Variants in MCTP1 observed in about 807,000 individuals in gnomAD.
The protein encoded by MCTP1 is multiple C2 and transmembrane domain containing 1, also known as multiple C2 and transmembrane domain-containing protein 1.
A neutral mutation model predicts 120.6 loss-of-function variants in MCTP1; 69 were observed. The ratio of observed to expected loss-of-function variants is 0.57; its 90% confidence interval spans 0.47 to 0.70. The LOEUF (loss-of-function observed/expected upper bound fraction) is 0.70. Among genes scored for constraint, MCTP1 ranks in the 30% least tolerant of loss-of-function variants. The probability of loss-of-function intolerance (pLI) is 0.00; values close to 1 mark genes in which losing one functional copy is unlikely to be tolerated. For synonymous variants in MCTP1, 529 were observed against 493.1 expected (o/e 1.07, Z -0.96); for missense variants, 1,203 against 1,248.8 (o/e 0.96, Z 0.55).
chr5:95,105,431 A>C (rs1027166034), intron 1 of MCTP1, among the ~76,000 whole-genome samples: 5 of 152,148 alleles, frequency 3.3e-5, no homozygotes, highest in Admixed American at 2.0e-4. Context: ...TCATTTATCT[A>C]TCTTCTCCTG....
At position 95,284,778 on chromosome 5, in the gene MCTP1, C is replaced by G. The variant is rs1206554036; in HGVS notation, c.-203G>C. On this transcript the variant is annotated 5_prime_UTR_variant, in exon 1 of 23. Coordinates refer to ENST00000515393, the MANE Select transcript of MCTP1 (RefSeq NM_024717.7). The surrounding 1 kb of genome is among the most constrained non-coding windows in gnomAD (Gnocchi z 5.2). ...AGAAGCGGCCGCCGCCGCCGAGGCT[C>G]TCTGGCCTCGGGACTCCGGCGCTGC... Among the ~76,000 whole-genome samples the G allele has an allele frequency of 6.6e-6, 1 of 152,068 alleles. No homozygotes were observed. Among genetic ancestry groups the G allele is most frequent in the East Asian group, 1.9e-4 (1 of 5,148 alleles).
At chr5:94,841,832 C>T (rs1791112802) in intron 17 of MCTP1, among the ~76,000 whole-genome samples, 1 of 152,130 alleles carries the variant, frequency 6.6e-6, no homozygotes, top group African/African-American at 2.4e-5. Context: ...AATTTGCATA[C>T]AGCCCCGAGC....
intron 19 of MCTP1, among the ~76,000 whole-genome samples, chr5:94,735,430 C>T (rs553306451): frequency 5.3e-5 from 8 of 152,242 alleles, no homozygotes; most frequent in African/African-American, 9.6e-5. Context: ...AGGCGTACAC[C>T]GCCATGCCTG....
chr5:95,239,716 C>T (rs1755949382), intron 1 of MCTP1, among the ~76,000 whole-genome samples: 1 of 152,070 alleles, frequency 6.6e-6, no homozygotes, highest in South Asian at 2.1e-4. Flanking sequence ...CTTTGCTTTT[C>T]TAATTTCTAA....
chr5:95,207,766 T>C (rs1394882229), intron 1 of MCTP1, among the ~76,000 whole-genome samples: 2 of 151,900 alleles, frequency 1.3e-5, no homozygotes, highest in South Asian at 4.2e-4. Flanking sequence ...AAAAATGTGA[T>C]TGAGAAAGAG....
chr5:95,142,278 T>C (rs1254436640), intron 1 of MCTP1, among the ~76,000 whole-genome samples: 1 of 152,210 alleles, frequency 6.6e-6, no homozygotes, highest in Non-Finnish European at 1.5e-5. Context: ...AGTCTCCAGA[T>C]AAGAAGAAGT....
intron 19 of MCTP1, among the ~76,000 whole-genome samples, chr5:94,745,744 G>C (rs1395427750): frequency 1.3e-5 from 2 of 152,186 alleles, no homozygotes; most frequent in Non-Finnish European, 1.5e-5. Context: ...ATTTACAGAA[G>C]AGAAGCAGCA....
intron 1 of MCTP1, among the ~76,000 whole-genome samples, chr5:95,130,084 CT>C (rs992428655): frequency 4.9e-4 from 74 of 152,368 alleles, no homozygotes; most frequent in African/African-American, 1.7e-3. Context: ...GTATCACCCC[CT>C]GTCCCCCAGC....
chr5:94,746,423 T>G (rs1766920540), intron 19 of MCTP1, among the ~76,000 whole-genome samples: 1 of 152,226 alleles, frequency 6.6e-6, no homozygotes, highest in Non-Finnish European at 1.5e-5. Context: ...GCTAATATTA[T>G]GAATGTTTTG....
intron 1 of MCTP1, among the ~76,000 whole-genome samples, chr5:95,275,022 G>A (rs1348959883): frequency 6.6e-6 from 1 of 152,020 alleles, no homozygotes; most frequent in Admixed American, 6.6e-5. Flanking sequence ...CTCCTGGCTG[G>A]TGAACTCATC....
intron 1 of MCTP1, among the ~76,000 whole-genome samples, chr5:95,080,116 C>T (rs763585005): frequency 6.6e-6 from 1 of 152,122 alleles, no homozygotes; most frequent in Non-Finnish European, 1.5e-5. Flanking sequence ...TCAACAAATA[C>T]AGTGTATCAA....
intron 1 of MCTP1, among the ~76,000 whole-genome samples, chr5:95,251,593 G>T (rs1757389015): frequency 6.6e-6 from 1 of 151,954 alleles, no homozygotes; most frequent in Admixed American, 6.6e-5. Flanking sequence ...TCTTGCTAGG[G>T]GATTCCCTAT....
chr5:95,133,345 C>T (rs1260615138), intron 1 of MCTP1, among the ~76,000 whole-genome samples: 1 of 152,130 alleles, frequency 6.6e-6, no homozygotes, highest in Non-Finnish European at 1.5e-5. Flanking sequence ...AAGAGATTAG[C>T]AATAACTAAT....
chr5:95,248,909 A>C (rs1757094435), intron 1 of MCTP1, among the ~76,000 whole-genome samples: 1 of 152,178 alleles, frequency 6.6e-6, no homozygotes, highest in South Asian at 2.1e-4. Flanking sequence ...CAAGCAATGG[A>C]GGAAGGATTC....
rs967022123 is a variant in MCTP1, at chr5:94,987,420, A to T, written c.838+29947T>A. 3.9e-5 allele frequency among the ~76,000 whole-genome samples: 6 copies of T among 152,294 alleles called. No individual in the cohort carries two copies. The South Asian group carries it at 1.2e-3, about 32-fold the overall frequency. On this transcript the variant is annotated intron_variant, in intron 2 of 22. Coordinates refer to ENST00000515393, the MANE Select transcript of MCTP1 (RefSeq NM_024717.7). ...TAAGCAAATGCTCGTGGAATTGATT[A>T]TCTAACATTTTTACTTTTTATGCCT...
In MCTP1 at chr5:95,226,388, A is replaced by C. The variant is rs374447237; in HGVS notation, c.720+57468T>G. 2.1e-4 allele frequency among the ~76,000 whole-genome samples: 32 copies of C among 152,308 alleles called. No homozygotes were observed. In the East Asian group the frequency reaches 6.0e-3, roughly 28 times the overall value. On this transcript the variant is annotated intron_variant, in intron 1 of 22. Coordinates refer to ENST00000515393, the MANE Select transcript of MCTP1 (RefSeq NM_024717.7). ...CTGCCTTGAACATGTATTTTAGTCC[A>C]CTAAGCAATACCAAAGAATACTTAA...
intron 17 of MCTP1, among the ~76,000 whole-genome samples, chr5:94,818,674 T>C (rs1360254960): frequency 6.6e-6 from 1 of 152,228 alleles, no homozygotes; most frequent in Non-Finnish European, 1.5e-5. Flanking sequence ...AACCATGTGG[T>C]AGAAACTTTA....
Position 94,704,868 on chromosome 5 carries a change from T to A in MCTP1, c.*2628A>T, listed in dbSNP as rs1191359722. The A allele has an allele frequency of 2.7e-5, 4 of 150,936 alleles. 1 individual carries two copies. The highest frequency in any genetic ancestry group is 7.3e-5 in the African/African-American group (3 of 41,270). The allele number at this position is 150,936 out of a possible 1,614,324, so 9.3% of individuals were successfully genotyped here. On this transcript the variant is annotated 3_prime_UTR_variant, in exon 23 of 23. Transcript: ENST00000515393. ...ACTAGGATAATCTGAGTTGGGAGAT[T>A]CAATCAATCAATCAGTTTGAGTCTG...
At chr5:95,273,551 C>A (rs953106912) in intron 1 of MCTP1, among the ~76,000 whole-genome samples, 1 of 152,144 alleles carries the variant, frequency 6.6e-6, no homozygotes, top group Non-Finnish European at 1.5e-5. Flanking sequence ...TCTTGTTTTG[C>A]CTGATTTTTT....
Sources: gnomAD v4.1 joint callset for allele counts (sites outside exome capture counted in the v4.1 genomes callset) on GRCh38, gnomAD v4.1.1 for gene constraint, Gnocchi (gnomAD v3.1) non-coding constraint, MANE v1.5 for transcripts, NCBI Gene and HGNC (gene_info 2026-07-23, HGNC 2026-07-21) for gene names.